PPTC7: variants seen among roughly 807,000 people sequenced by gnomAD.
PPTC7 encodes protein phosphatase targeting COQ7.
A neutral mutation model predicts 30.8 loss-of-function variants in PPTC7; 6 were observed. That is an observed-to-expected ratio of 0.19 (90% CI 0.11 to 0.38). The LOEUF is 0.38. Among genes scored for constraint, PPTC7 ranks in the 10% least tolerant of loss-of-function variants. The pLI is 1.00. For missense variants in PPTC7, 218 were observed against 404.8 expected, an observed-to-expected ratio of 0.54 and a Z score of 3.96; for synonymous variants, 163 against 168.1, an observed-to-expected ratio of 0.97 and a Z score of 0.23.
chr12:110,553,531 C>T (rs2135774368), intron 1 of PPTC7, among the ~76,000 whole-genome samples: 1 of 152,218 alleles, frequency 6.6e-6, no homozygotes, highest in African/African-American at 2.4e-5. Context: ...ATAATCCCAG[C>T]ACGTTGGGAG....
At chr12:110,552,863 C>CA (rs976096028) in intron 1 of PPTC7, among the ~76,000 whole-genome samples, 2 of 151,470 alleles carry the variant, frequency 1.3e-5, no homozygotes, top group Non-Finnish European at 2.9e-5. Flanking sequence ...GACTCCGTCT[C>CA]AAAAAAACAA....
chr12:110,578,329 C>T (rs796880811), intron 1 of PPTC7, among the ~76,000 whole-genome samples: 1 of 152,114 alleles, frequency 6.6e-6, no homozygotes, highest in Non-Finnish European at 1.5e-5. Context: ...GAATTAGCCA[C>T]AGGGAAGAAG....
At chr12:110,559,744 A>G (rs1453704142) in intron 1 of PPTC7, among the ~76,000 whole-genome samples, 1 of 151,044 alleles carries the variant, frequency 6.6e-6, no homozygotes, top group East Asian at 2.0e-4. Context: ...AAAAAAAAAA[A>G]AAAAAAGAAA....
intron 1 of PPTC7, among the ~76,000 whole-genome samples, chr12:110,553,868 AT>A (rs1349970975): frequency 6.6e-6 from 1 of 151,764 alleles, no homozygotes; most frequent in African/African-American, 2.4e-5. Context: ...TTATTTACCT[AT>A]TTTTTTTGAG....
intron 1 of PPTC7, among the ~76,000 whole-genome samples, chr12:110,560,448 T>C (rs1204643776): frequency 6.6e-6 from 1 of 151,714 alleles, no homozygotes; most frequent in African/African-American, 2.4e-5. Context: ...ATGATAGCTA[T>C]CTTAAAAATC....
intron 1 of PPTC7, among the ~76,000 whole-genome samples, chr12:110,575,562 G>A (rs1362964655): frequency 8.1e-6 from 1 of 123,066 alleles, no homozygotes; most frequent in Non-Finnish European, 1.6e-5. Flanking sequence ...ACAAACCAGT[G>A]CTAAAGTTCA....
chr12:110,567,128 C>T (rs1284754451), intron 1 of PPTC7, among the ~76,000 whole-genome samples: 1 of 152,202 alleles, frequency 6.6e-6, no homozygotes, highest in Non-Finnish European at 1.5e-5. Flanking sequence ...TTTTCTTCCC[C>T]TGTACATTGT....
At position 110,583,136 on chromosome 12, in the gene PPTC7, G is replaced by T; in HGVS notation, c.-105C>A. 2.4e-6 allele frequency: 2 copies of T among 841,538 alleles called. No homozygotes were observed. Among genetic ancestry groups the T allele is most frequent in the Non-Finnish European group, 3.1e-6 (2 of 647,124 alleles). The allele number at this position is 841,538 out of a possible 1,614,324, so 52.1% of individuals were successfully genotyped here. On this transcript the variant is annotated 5_prime_UTR_variant, in exon 1 of 6. Coordinates refer to ENST00000354300, the MANE Select transcript of PPTC7 (RefSeq NM_139283.2). ...GCCGCAGTCGCGCCGCCGCTGGGGC[G>T]CTCCTCAGGGCGGCGCGCAGTGGCC...
chr12:110,538,201 G>C lies in PPTC7; in HGVS notation c.799C>G (p.Pro267Ala), dbSNP rs1257252129. Reference protein sequence around the residue: ...AEQAHELAYDPNYMSPFAQFA... With the variant: ...AEQAHELAYDANYMSPFAQFA... ...TGTGCAAAAGGTGACATATAATTTG[G>C]GTCATAGGCCAGCTCATGAGCTTGC... Residue 267 changes from proline to alanine, a missense_variant, in exon 5 of 6, where the codon CCA becomes GCA. Coordinates refer to ENST00000354300, the MANE Select transcript of PPTC7 (RefSeq NM_139283.2). 3.7e-6 allele frequency: 6 copies of C among 1,613,970 alleles called. No homozygotes were observed. Among genetic ancestry groups the C allele is most frequent in the Non-Finnish European group, 5.1e-6 (6 of 1,179,996 alleles).
At chr12:110,562,726 G>C (rs2064448542) in intron 1 of PPTC7, among the ~76,000 whole-genome samples, 1 of 151,982 alleles carries the variant, frequency 6.6e-6, no homozygotes, top group Non-Finnish European at 1.5e-5. Context: ...CCAGGAAGCA[G>C]AGGTTGCAGT....
At position 110,552,776 on chromosome 12, in the gene PPTC7, T is replaced by C. The variant is rs552772540; in HGVS notation, c.224-808A>G. On this transcript the variant is annotated intron_variant, in intron 1 of 5. Coordinates refer to ENST00000354300, the MANE Select transcript of PPTC7 (RefSeq NM_139283.2). ...CTACTTGGGAGGCTGAGGGAGGAGATTGGTGTGAACCCGCGAGGCAGAGCT... is the reference window on the plus strand; with the variant it reads ...CTACTTGGGAGGCTGAGGGAGGAGACTGGTGTGAACCCGCGAGGCAGAGCT... Among the ~76,000 whole-genome samples, 453 of 150,472 alleles carry C rather than the reference T, an allele frequency of 3.0e-3. 3 individuals are homozygous for C. The highest frequency in any genetic ancestry group is 9.3e-3 in the African/African-American group (381 of 40,888).
At chr12:110,577,896 AAAG>A (rs1296221883) in intron 1 of PPTC7, among the ~76,000 whole-genome samples, 3 of 152,062 alleles carry the variant, frequency 2.0e-5, no homozygotes, top group Non-Finnish European at 2.9e-5. Flanking sequence ...CAGAGTGAAT[AAAG>A]AAGTTATAAA....
At chr12:110,565,873 A>G (rs2064479070) in intron 1 of PPTC7, among the ~76,000 whole-genome samples, 1 of 152,346 alleles carries the variant, frequency 6.6e-6, no homozygotes, top group Non-Finnish European at 1.5e-5. Context: ...AAAAGCAAAG[A>G]AGGTCAGATT....
At chr12:110,543,272 G>A (rs1301456027) in intron 3 of PPTC7, among the ~76,000 whole-genome samples, 1 of 152,208 alleles carries the variant, frequency 6.6e-6, no homozygotes, top group Non-Finnish European at 1.5e-5. Flanking sequence ...GGTGGCACAT[G>A]TAAAGTTCTG....
intron 1 of PPTC7, among the ~76,000 whole-genome samples, chr12:110,569,604 G>C (rs1160693102): frequency 1.3e-5 from 2 of 152,308 alleles, no homozygotes; most frequent in South Asian, 2.1e-4. Context: ...AAAAGAGCCA[G>C]TTTAAGAAAC....
intron 1 of PPTC7, among the ~76,000 whole-genome samples, chr12:110,552,839 G>C (rs976303310): frequency 2.6e-5 from 4 of 152,168 alleles, no homozygotes; most frequent in Admixed American, 6.5e-5. Context: ...ACTCCAGCCT[G>C]GGCAATGGGG....
chr12:110,551,037 T>G (rs1396754570), intron 2 of PPTC7, among the ~76,000 whole-genome samples: 1 of 152,254 alleles, frequency 6.6e-6, no homozygotes, highest in East Asian at 1.9e-4. Context: ...CTCTCTTCCC[T>G]TCACAACATG....
At chr12:110,543,158 G>A (rs2064276597) in intron 3 of PPTC7, among the ~76,000 whole-genome samples, 1 of 152,192 alleles carries the variant, frequency 6.6e-6, no homozygotes, top group Non-Finnish European at 1.5e-5. Flanking sequence ...CATTTGTGAA[G>A]AGAAAGCATA....
chr12:110,547,776 T>C (rs1221589726), intron 2 of PPTC7, among the ~76,000 whole-genome samples: 1 of 152,172 alleles, frequency 6.6e-6, no homozygotes, highest in Non-Finnish European at 1.5e-5. Flanking sequence ...CCATGGCAAG[T>C]CACTTATTCT....
Sources: gnomAD v4.1 joint callset for allele counts (sites outside exome capture counted in the v4.1 genomes callset) on GRCh38, gnomAD v4.1.1 for gene constraint, MANE v1.5 for transcripts, NCBI Gene and HGNC (gene_info 2026-07-23, HGNC 2026-07-21) for gene names.